TANC2: variants seen among roughly 807,000 people sequenced by gnomAD.
TANC2 encodes tetratricopeptide repeat, ankyrin repeat and coiled-coil containing 2, also known as protein TANC2.
A neutral mutation model predicts 210.5 loss-of-function variants in TANC2; 26 were observed. That is an observed-to-expected ratio of 0.12 (90% CI 0.09 to 0.17). The LOEUF is 0.17. TANC2 is among the 10% of genes least tolerant of loss of function. The pLI is 1.00. For synonymous variants in TANC2, 931 were observed against 967.1 expected, an observed-to-expected ratio of 0.96 and a Z score of 0.69; for missense variants, 2,129 against 2,608.9, an observed-to-expected ratio of 0.82 and a Z score of 4.01.
At chr17:63,238,428 A>G (rs2042682501) in intron 8 of TANC2, among the ~76,000 whole-genome samples, 1 of 152,192 alleles carries the variant, frequency 6.6e-6, no homozygotes, top group Non-Finnish European at 1.5e-5. Flanking sequence ...TTTTCTTAAA[A>G]TCTTAGTTTT....
chr17:63,124,004 A>T (rs2038606254), intron 4 of TANC2, among the ~76,000 whole-genome samples: 1 of 152,180 alleles, frequency 6.6e-6, no homozygotes, highest in Non-Finnish European at 1.5e-5. Context: ...CCCGGCCATA[A>T]GGTCTCTTTA....
At chr17:63,113,149 A>C (rs1275030484) in intron 4 of TANC2, among the ~76,000 whole-genome samples, 3 of 152,270 alleles carry the variant, frequency 2.0e-5, no homozygotes, top group Non-Finnish European at 2.9e-5. Flanking sequence ...AGAAAGCCTT[A>C]GTAACTCTCT....
At chr17:63,226,013 C>T (rs993785170) in intron 7 of TANC2, among the ~76,000 whole-genome samples, 1 of 152,138 alleles carries the variant, frequency 6.6e-6, no homozygotes, top group Non-Finnish European at 1.5e-5. Context: ...TAAAATATCA[C>T]ACTTGTCACC....
At chr17:63,312,769 A>C (rs2045171601) in intron 9 of TANC2, among the ~76,000 whole-genome samples, 1 of 152,140 alleles carries the variant, frequency 6.6e-6, no homozygotes, top group Non-Finnish European at 1.5e-5. Flanking sequence ...TTGTTACAGA[A>C]ATGTGAATCA....
chr17:63,114,263 A>C (rs1034302099), intron 4 of TANC2, among the ~76,000 whole-genome samples: 1 of 152,194 alleles, frequency 6.6e-6, no homozygotes, highest in African/African-American at 2.4e-5. Flanking sequence ...AGTATAAAGA[A>C]AATTATCCTC....
Position 63,108,089 on chromosome 17 carries a change from GCCATGACCTTGA to G in TANC2, c.322+8733_322+8744del, listed in dbSNP as rs944708533. 1.8e-4 allele frequency among the ~76,000 whole-genome samples: 27 copies of G among 151,828 alleles called. 1 individual carries two copies. The highest frequency in any genetic ancestry group is 6.3e-4 in the African/African-American group (26 of 41,128). The stretch of plus-strand genomic sequence containing the variant: ...TTTTCATGTCAAAAATCAGACCTTG[GCCATGACCTTGA>G]GCAGTAGGATATAAATAACTCCCAC... On this transcript the variant is annotated intron_variant, in intron 4 of 27. Transcript: ENST00000689528.
At chr17:63,422,092 G>A in exon 28 of TANC2, 1 of 1,158,694 alleles carries the variant, frequency 8.6e-7, no homozygotes, top group Non-Finnish European at 1.2e-6. Context: ...CCCACATGCT[G>A]AAATCCTTTG....
chr17:63,062,980 C>G (rs533548618), intron 2 of TANC2, among the ~76,000 whole-genome samples: 1 of 152,276 alleles, frequency 6.6e-6, no homozygotes, highest in Non-Finnish European at 1.5e-5. Flanking sequence ...ACATGACAGT[C>G]ACTTCAGATG....
At chr17:63,368,836 G>A (rs1168037605) in intron 14 of TANC2, among the ~76,000 whole-genome samples, 1 of 152,208 alleles carries the variant, frequency 6.6e-6, no homozygotes, top group Non-Finnish European at 1.5e-5. Context: ...TGACCATGTT[G>A]GTTGACACTG....
chr17:63,094,334 A>G (rs896703211), intron 3 of TANC2, among the ~76,000 whole-genome samples: 4 of 152,102 alleles, frequency 2.6e-5, no homozygotes, highest in Admixed American at 6.6e-5. Flanking sequence ...CATTTGGAAT[A>G]ATTTAGGCAA....
chr17:63,195,034 A>G (rs2041299539), intron 6 of TANC2, among the ~76,000 whole-genome samples: 1 of 152,190 alleles, frequency 6.6e-6, no homozygotes, highest in Non-Finnish European at 1.5e-5. Flanking sequence ...AAGAGTCTAT[A>G]TCACATACTA....
At position 63,340,250 on chromosome 17, in the gene TANC2, G is replaced by A. The variant is rs770832810; in HGVS notation, c.1725G>A (p.Met575Ile). 3.7e-6 allele frequency: 6 copies of A among 1,613,966 alleles called. No individual in the cohort carries two copies. In the South Asian group the frequency reaches 6.6e-5, roughly 18 times the overall value. ...TTCGGGAACCTCACCTGCAGAGCAT[G>A]CTGAGCCTTCGTTCCTGTGTTCAAG... is the stretch of plus-strand genomic sequence containing the variant. The change falls in exon 12 of 28, where the codon ATG becomes ATA. Residue 575 changes from methionine to isoleucine, a missense_variant. Physicochemically the swap from Met to Ile is conservative, Grantham distance 10. Transcript: ENST00000689528.
At chr17:63,302,884 C>G (rs1204352191) in intron 9 of TANC2, among the ~76,000 whole-genome samples, 1 of 151,904 alleles carries the variant, frequency 6.6e-6, no homozygotes, top group Non-Finnish European at 1.5e-5. Flanking sequence ...CTGCCTCAGC[C>G]CCCCTAGTAG....
chr17:63,184,014 C>CAAAAAAAAAAAA (rs570141267), intron 5 of TANC2, among the ~76,000 whole-genome samples: 4 of 117,720 alleles, frequency 3.4e-5, no homozygotes, highest in Middle Eastern at 4.5e-3. Context: ...GACTCCGTCT[C>CAAAAAAAAAAAA]AAAAAAAAAA....
chr17:63,111,467 A>G (rs1294336623), intron 4 of TANC2, among the ~76,000 whole-genome samples: 1 of 152,124 alleles, frequency 6.6e-6, no homozygotes, highest in Non-Finnish European at 1.5e-5. Context: ...AATTCTAAAA[A>G]CATCCCAGCA....
chr17:63,406,322 A>G, intron 21 of TANC2, 45 bp downstream of exon 21: 1 of 1,601,920 alleles, frequency 6.2e-7, no homozygotes, highest in Non-Finnish European at 8.5e-7. Context: ...TTCCATAATT[A>G]CCTGGTGAAC....
intron 15 of TANC2, among the ~76,000 whole-genome samples, chr17:63,383,992 C>G (rs562871228): frequency 5.6e-4 from 86 of 152,234 alleles, no homozygotes; most frequent in African/African-American, 1.9e-3. Context: ...ATTAAGAGAT[C>G]AGACTCTAAA....
At chr17:63,269,653 T>C (rs2146281763) in intron 9 of TANC2, among the ~76,000 whole-genome samples, 1 of 152,324 alleles carries the variant, frequency 6.6e-6, no homozygotes, top group South Asian at 2.1e-4. Flanking sequence ...GAAACCTTTA[T>C]ATTGAGTTCT....
intron 27 of TANC2, among the ~76,000 whole-genome samples, chr17:63,419,432 A>C (rs967915202): frequency 6.6e-6 from 1 of 152,248 alleles, no homozygotes; most frequent in African/African-American, 2.4e-5. Context: ...CGAGTGACCT[A>C]GTCAGCAAGC....
Sources: gnomAD v4.1 joint callset for allele counts (sites outside exome capture counted in the v4.1 genomes callset) on GRCh38, gnomAD v4.1.1 for gene constraint, MANE v1.5 for transcripts, NCBI Gene and HGNC (gene_info 2026-07-23, HGNC 2026-07-21) for gene names.